The following LCLAT1 variants were observed in gnomAD, a reference collection of about 807,000 sequenced individuals.
LCLAT1 encodes 1-AGP acyltransferase 8.
LCLAT1 carries 11 observed loss-of-function variants against 30.7 expected under a neutral mutation model. The observed-to-expected ratio is 0.36, with a 90% CI of 0.23 to 0.59. LCLAT1 has a LOEUF of 0.59. Ranked by LOEUF, LCLAT1 falls within the 20% of genes least tolerant of loss-of-function variation. The probability of loss-of-function intolerance (pLI) is 0.77; values close to 1 mark genes in which losing one functional copy is unlikely to be tolerated. For synonymous variants in LCLAT1, 155 were observed against 151.3 expected, an observed-to-expected ratio of 1.02 and a Z score of -0.18; for missense variants, 402 against 458.6, an observed-to-expected ratio of 0.88 and a Z score of 1.13.
chr2:30,638,182 G>A (rs1461431698), intron 5 of LCLAT1, among the ~76,000 whole-genome samples: 1 of 152,176 alleles, frequency 6.6e-6, no homozygotes, highest in Non-Finnish European at 1.5e-5. Context: ...AACATTTGCA[G>A]AAAACTTGAA....
rs181353127 is a variant in LCLAT1, at chr2:30,631,642, T to C, written c.629-8475T>C. Among the ~76,000 whole-genome samples, 293 of 152,336 alleles carry C rather than the reference T, an allele frequency of 1.9e-3. 2 individuals carry two copies. The highest frequency in any genetic ancestry group is 3.2e-3 in the Non-Finnish European group (217 of 68,018). On this transcript the variant is annotated intron_variant, in intron 5 of 5. Transcript: ENST00000379509. ...GTATAGTAGCAAAGTTACTTTTCCT[T>C]TTATTTTTAATGCATTATGTGAAAA... is the stretch of plus-strand genomic sequence containing the variant.
At chr2:30,495,202 A>AT (rs1288642975) in intron 1 of LCLAT1, among the ~76,000 whole-genome samples, 18 of 152,152 alleles carry the variant, frequency 1.2e-4, no homozygotes, top group African/African-American at 3.4e-4. Context: ...CAGATTTAGG[A>AT]TTTTTTGTTC....
intron 1 of LCLAT1, among the ~76,000 whole-genome samples, chr2:30,514,948 C>T (rs1685113722): frequency 6.6e-6 from 1 of 152,160 alleles, no homozygotes; most frequent in Admixed American, 6.5e-5. Flanking sequence ...TTCCTCCACC[C>T]CTAGTGACCT....
intron 5 of LCLAT1, among the ~76,000 whole-genome samples, chr2:30,580,755 A>C (rs1666178402): frequency 6.6e-6 from 1 of 152,154 alleles, no homozygotes; most frequent in Non-Finnish European, 1.5e-5. Flanking sequence ...CTCATTTTGT[A>C]AGGCAGGAGG....
At chr2:30,468,139 G>C (rs1231172654) in intron 1 of LCLAT1, among the ~76,000 whole-genome samples, 1 of 152,224 alleles carries the variant, frequency 6.6e-6, no homozygotes, top group East Asian at 1.9e-4. Flanking sequence ...AAGAGATCCA[G>C]TTTCAGCTTT....
intron 3 of LCLAT1, among the ~76,000 whole-genome samples, chr2:30,560,135 T>C (rs1192670725): frequency 5.9e-5 from 9 of 152,110 alleles, no homozygotes; most frequent in Admixed American, 2.0e-4. Flanking sequence ...ATGTCCAATA[T>C]TGGTGGATGA....
chr2:30,602,934 A>G (rs1667261300), intron 5 of LCLAT1, among the ~76,000 whole-genome samples: 1 of 152,198 alleles, frequency 6.6e-6, no homozygotes, highest in Non-Finnish European at 1.5e-5. Flanking sequence ...ACAGCGGAAC[A>G]GTAATTTACA....
At chr2:30,533,987 G>C (rs966387516) in intron 3 of LCLAT1, among the ~76,000 whole-genome samples, 3 of 152,116 alleles carry the variant, frequency 2.0e-5, no homozygotes, top group African/African-American at 7.2e-5. Context: ...ATTCAAACCA[G>C]TTATTCACAT....
intron 1 of LCLAT1, among the ~76,000 whole-genome samples, chr2:30,477,084 A>G (rs1425778498): frequency 6.6e-6 from 1 of 152,128 alleles, no homozygotes; most frequent in East Asian, 1.9e-4. Flanking sequence ...CCATTCTTTG[A>G]TGTTTAGTGA....
At chr2:30,565,150 T>C (rs1432576359) in intron 4 of LCLAT1, among the ~76,000 whole-genome samples, 1 of 152,116 alleles carries the variant, frequency 6.6e-6, no homozygotes, top group Non-Finnish European at 1.5e-5. Context: ...GATGTGTATA[T>C]ATAGAAAGAG....
At position 30,560,015 on chromosome 2, in the gene LCLAT1, C is replaced by T. The variant is rs77644670; in HGVS notation, c.365-2131C>T. On this transcript the variant is annotated intron_variant, in intron 3 of 5. Transcript: ENST00000379509. ...ATATTTGAGTCTGAAGGGTGAACAG[C>T]TGGCTTGTAGTGGTTTCACTCCAGA... Among the ~76,000 whole-genome samples the T allele has an allele frequency of 9.5e-3, 1,451 of 152,256 alleles. 8 individuals are homozygous for T. The highest frequency in any genetic ancestry group is 0.051 in the Middle Eastern group (15 of 294).
At chr2:30,528,006 C>G (rs1200185253) in intron 2 of LCLAT1, among the ~76,000 whole-genome samples, 1 of 152,150 alleles carries the variant, frequency 6.6e-6, no homozygotes, top group East Asian at 1.9e-4. Context: ...GTTAATCCAC[C>G]TAGCTTGGCC....
chr2:30,611,803 G>T (rs1869426), intron 5 of LCLAT1, among the ~76,000 whole-genome samples: 19,837 of 152,162 alleles, frequency 0.13, 1,395 homozygotes, highest in South Asian at 0.23. Context: ...ATAGGAGGAG[G>T]ATGACGCAGA....
At chr2:30,590,615 A>G (rs1374070791) in intron 5 of LCLAT1, among the ~76,000 whole-genome samples, 2 of 151,092 alleles carry the variant, frequency 1.3e-5, no homozygotes, top group Admixed American at 1.3e-4. Context: ...AGCAAATTAC[A>G]TATTTACTTT....
intron 5 of LCLAT1, among the ~76,000 whole-genome samples, chr2:30,638,597 C>T (rs554892446): frequency 6.6e-6 from 1 of 152,306 alleles, no homozygotes; most frequent in East Asian, 1.9e-4. Context: ...AGCAACAAGC[C>T]GTGTGCCCTT....
rs529441428 is a variant in LCLAT1 at position 30,594,394 on chromosome 2, C to G, written c.628+26218C>G. 1.7e-4 allele frequency among the ~76,000 whole-genome samples: 26 copies of G among 152,306 alleles called. No homozygotes were observed. In the East Asian group the frequency reaches 4.6e-3, roughly 27 times the overall value. Reference sequence around the variant, plus strand: ...CTAGAGTCTCCTCCAAGCATTTATTCTACTTCCTTTATCAAGTATCTGCTT... The same window carrying G: ...CTAGAGTCTCCTCCAAGCATTTATTGTACTTCCTTTATCAAGTATCTGCTT... On this transcript the variant is annotated intron_variant, in intron 5 of 5. Coordinates refer to ENST00000379509, the MANE Select transcript of LCLAT1 (RefSeq NM_001002257.3).
chr2:30,552,285 T>G (rs4144806), intron 3 of LCLAT1, among the ~76,000 whole-genome samples: 19,368 of 152,232 alleles, frequency 0.13, 1,370 homozygotes, highest in South Asian at 0.23. Flanking sequence ...AGAAGCCTCA[T>G]TGTCAAGCAA....
At chr2:30,495,125 A>G (rs1378333560) in intron 1 of LCLAT1, among the ~76,000 whole-genome samples, 1 of 152,148 alleles carries the variant, frequency 6.6e-6, no homozygotes, top group Non-Finnish European at 1.5e-5. Flanking sequence ...GTTCTGATAT[A>G]TAACATTTTA....
intron 1 of LCLAT1, among the ~76,000 whole-genome samples, chr2:30,517,954 C>T (rs573992429): frequency 1.1e-3 from 169 of 152,264 alleles, no homozygotes; most frequent in Non-Finnish European, 1.7e-3. Flanking sequence ...ACTGACAACC[C>T]GTAGCCTTCC....
Sources: gnomAD v4.1 joint callset for allele counts (sites outside exome capture counted in the v4.1 genomes callset) on GRCh38, gnomAD v4.1.1 for gene constraint, MANE v1.5 for transcripts, NCBI Gene and HGNC (gene_info 2026-07-23, HGNC 2026-07-21) for gene names.